The following MYO16 variants were observed in gnomAD, a reference collection of about 807,000 sequenced individuals.
The protein encoded by MYO16 is myosin XVI.
MYO16 carries 94 observed loss-of-function variants against 205.3 expected under a neutral mutation model. The observed-to-expected ratio is 0.46, with a 90% CI of 0.39 to 0.54. The LOEUF is 0.54. Ranked by LOEUF, MYO16 falls within the 20% of genes least tolerant of loss-of-function variation. The pLI, the probability that MYO16 is intolerant of heterozygous loss-of-function variation, is 0.00. For missense variants in MYO16, 2,315 were observed against 2,387.5 expected, an observed-to-expected ratio of 0.97 and a Z score of 0.63; for synonymous variants, 988 against 954.0, an observed-to-expected ratio of 1.04 and a Z score of -0.66.
chr13:108,640,313 G>A (rs191469957), intron 1 of MYO16, among the ~76,000 whole-genome samples: 2 of 152,236 alleles, frequency 1.3e-5, no homozygotes, highest in Admixed American at 1.3e-4. Context: ...AGCATCCTCT[G>A]GAGTAATCGA....
At chr13:108,715,221 T>G (rs1157779021) in intron 3 of MYO16, among the ~76,000 whole-genome samples, 1 of 152,202 alleles carries the variant, frequency 6.6e-6, no homozygotes, top group African/African-American at 2.4e-5. Context: ...CGTGTGCTCT[T>G]GCCGGGTTTC....
intron 27 of MYO16, among the ~76,000 whole-genome samples, chr13:109,082,825 C>G (rs1888321486): frequency 6.6e-6 from 1 of 151,724 alleles, no homozygotes. Context: ...AAGCAGGTAC[C>G]AAGCAGAAGA....
intron 4 of MYO16, among the ~76,000 whole-genome samples, chr13:108,757,678 G>A (rs1885466582): frequency 6.6e-6 from 1 of 151,766 alleles, no homozygotes; most frequent in African/African-American, 2.4e-5. Flanking sequence ...CCCTTCCTGT[G>A]TCCAAGTGTT....
chr13:109,143,546 C>A (rs1294435689), intron 32 of MYO16, among the ~76,000 whole-genome samples: 1 of 152,118 alleles, frequency 6.6e-6, no homozygotes, highest in East Asian at 1.9e-4. Flanking sequence ...CCTCATTTTA[C>A]TAGAGAAAGG....
chr13:108,875,906 T>C (rs1313603057), intron 12 of MYO16, among the ~76,000 whole-genome samples: 1 of 152,052 alleles, frequency 6.6e-6, no homozygotes. Flanking sequence ...GTTAGAGAAA[T>C]GAATCCCATG....
intron 4 of MYO16, among the ~76,000 whole-genome samples, chr13:108,746,878 C>G (rs1885081255): frequency 6.6e-6 from 1 of 151,690 alleles, no homozygotes; most frequent in Non-Finnish European, 1.5e-5. Context: ...TGCTGAATAC[C>G]AAACAAAAAG....
At chr13:108,827,387 G>T (rs1876333295) in intron 9 of MYO16, among the ~76,000 whole-genome samples, 1 of 152,140 alleles carries the variant, frequency 6.6e-6, no homozygotes, top group South Asian at 2.1e-4. Context: ...ATTTTGTGCA[G>T]TAAATCATGA....
rs1184821479 is a variant in MYO16, at chr13:108,883,109, T to A, written c.1476T>A (p.Pro492=). 6.2e-7 allele frequency: 1 copy of A among 1,614,006 alleles called. No homozygotes were observed. Among genetic ancestry groups the A allele is most frequent in the East Asian group, 2.2e-5 (1 of 44,886 alleles). ...CAGGGAAGCTGTGTTCCTCGCTGCC[T>A]CCTCACCTCTTCTCCTGTGTGGAGA... ...SSSGKLCSSL[P]PHLFSCVERA... is the part of the protein sequence containing the mutation. The change falls in exon 13 of 35, where the codon CCT becomes CCA. Residue 492 remains proline (P), a synonymous_variant. Coordinates refer to ENST00000457511, the MANE Select transcript of MYO16 (RefSeq NM_001198950.3).
intron 11 of MYO16, among the ~76,000 whole-genome samples, chr13:108,860,391 T>TTCTTTATCCAA (rs1878396199): frequency 6.6e-6 from 1 of 152,194 alleles, no homozygotes; most frequent in African/African-American, 2.4e-5. Context: ...GTACCATTCT[T>TTCTTTATCCAA]TCTTTATCCA....
At chr13:109,038,182 A>T (rs997724900) in intron 23 of MYO16, among the ~76,000 whole-genome samples, 27 of 152,276 alleles carry the variant, frequency 1.8e-4, no homozygotes, top group African/African-American at 6.5e-4. Context: ...GGTTGTGATG[A>T]TTAACTTATG....
At chr13:108,560,875 A>G in the MYO16 span, among the ~76,000 whole-genome samples, 1 of 152,228 alleles carries the variant, frequency 6.6e-6, no homozygotes, top group African/African-American at 2.4e-5. Context: ...AGGCTTTACA[A>G]AAATAATGTA....
At chr13:108,500,775 T>C in the MYO16 span, among the ~76,000 whole-genome samples, 1 of 152,148 alleles carries the variant, frequency 6.6e-6, no homozygotes, top group Non-Finnish European at 1.5e-5. Flanking sequence ...GAGTGATTTA[T>C]CTTAAATGCA....
At chr13:108,819,984 C>T (rs951199340) in intron 7 of MYO16, among the ~76,000 whole-genome samples, 1 of 152,156 alleles carries the variant, frequency 6.6e-6, no homozygotes, top group East Asian at 1.9e-4. Flanking sequence ...TGTAGTGATT[C>T]ATTCAGTGTA....
At chr13:108,622,510 A>T (rs796262904) in intron 1 of MYO16, among the ~76,000 whole-genome samples, 15 of 152,270 alleles carry the variant, frequency 9.9e-5, no homozygotes, top group African/African-American at 3.4e-4. Flanking sequence ...CTACGGTTTC[A>T]TTAGCCTCAT....
At chr13:109,166,222 T>G (rs1878653825) in intron 33 of MYO16, among the ~76,000 whole-genome samples, 1 of 151,842 alleles carries the variant, frequency 6.6e-6, no homozygotes, top group Non-Finnish European at 1.5e-5. Context: ...CCCCACGAAA[T>G]AAAACAACGA....
At chr13:108,906,399 T>C (rs940906373) in intron 15 of MYO16, among the ~76,000 whole-genome samples, 5 of 152,236 alleles carry the variant, frequency 3.3e-5, no homozygotes, top group African/African-American at 4.8e-5. Flanking sequence ...TTAAAATTAC[T>C]GCAAATGAAA....
chr13:108,606,738 G>C (rs1299963410), intron 1 of MYO16, among the ~76,000 whole-genome samples: 1 of 152,160 alleles, frequency 6.6e-6, no homozygotes, highest in Non-Finnish European at 1.5e-5. Context: ...TATGAGAAGA[G>C]GGCCACCATA....
intron 27 of MYO16, among the ~76,000 whole-genome samples, chr13:109,097,683 C>T (rs925187567): frequency 6.6e-6 from 1 of 152,200 alleles, no homozygotes; most frequent in Non-Finnish European, 1.5e-5. Flanking sequence ...TAATGAGCCA[C>T]CTTTTTCATA....
At chr13:108,679,985 C>T (rs1424524907) in intron 2 of MYO16, among the ~76,000 whole-genome samples, 2 of 152,156 alleles carry the variant, frequency 1.3e-5, no homozygotes, top group Non-Finnish European at 2.9e-5. Flanking sequence ...AGTCCCAATA[C>T]TTGCAGCTCT....
Sources: allele counts gnomAD v4.1 joint callset (sites outside exome capture counted in the v4.1 genomes callset), GRCh38; gene constraint gnomAD v4.1.1; transcripts MANE v1.5; gene names NCBI Gene and HGNC (gene_info 2026-07-23, HGNC 2026-07-21).